The following CAMTA1 variants were observed in gnomAD, a reference collection of about 807,000 sequenced individuals.
The protein encoded by CAMTA1 is calmodulin-binding transcription activator 1.
In CAMTA1, 27 loss-of-function variants were observed where a neutral mutation model predicts 170.9. The observed-to-expected ratio is 0.16, with a 90% CI of 0.12 to 0.22. The LOEUF (loss-of-function observed/expected upper bound fraction) is 0.22, where lower values mean the gene tolerates loss of function less well. Among genes scored for constraint, CAMTA1 ranks in the 10% least tolerant of loss-of-function variants. The pLI, the probability that CAMTA1 is intolerant of heterozygous loss-of-function variation, is 1.00. For missense variants in CAMTA1, 1,619 were observed against 2,217.2 expected (o/e 0.73, Z 5.42); for synonymous variants, 833 against 891.5 (o/e 0.93, Z 1.17).
At chr1:6,948,796 C>G (rs1687979100) in intron 3 of CAMTA1, among the ~76,000 whole-genome samples, 1 of 152,284 alleles carries the variant, frequency 6.6e-6, no homozygotes, top group African/African-American at 2.4e-5. Context: ...TCCCCTCAAA[C>G]CCAGGCATTT....
chr1:7,672,487 T>C (rs775914141), intron 10 of CAMTA1, among the ~76,000 whole-genome samples: 1 of 152,138 alleles, frequency 6.6e-6, no homozygotes, highest in African/African-American at 2.4e-5. Flanking sequence ...AGTGATGCAA[T>C]CTCGGCTCAC....
intron 3 of CAMTA1, among the ~76,000 whole-genome samples, chr1:6,989,591 T>C (rs1041958105): frequency 6.6e-6 from 1 of 152,214 alleles, no homozygotes; most frequent in African/African-American, 2.4e-5. Context: ...TGCTCTGTTA[T>C]TGCTCCTAAG....
intron 7 of CAMTA1, among the ~76,000 whole-genome samples, chr1:7,646,519 T>C (rs192259818): frequency 1.8e-4 from 16 of 88,388 alleles, no homozygotes; most frequent in Non-Finnish European, 3.2e-4. Flanking sequence ...TGGTGAGTGG[T>C]TGGAGGCCAT....
intron 5 of CAMTA1, among the ~76,000 whole-genome samples, chr1:7,454,487 G>A (rs1022216261): frequency 2.0e-5 from 3 of 152,148 alleles, no homozygotes; most frequent in African/African-American, 7.2e-5. Flanking sequence ...TCAGTGTCGC[G>A]GCCACTGGCC....
At chr1:6,999,534 C>A (rs1329949070) in intron 3 of CAMTA1, among the ~76,000 whole-genome samples, 1 of 152,174 alleles carries the variant, frequency 6.6e-6, no homozygotes, top group Non-Finnish European at 1.5e-5. Context: ...CAGGTGCATG[C>A]CAGCATGCCT....
intron 19 of CAMTA1, among the ~76,000 whole-genome samples, chr1:7,750,417 G>C (rs2096888382): frequency 1.3e-5 from 2 of 152,340 alleles, no homozygotes; most frequent in South Asian, 4.1e-4. Flanking sequence ...CATCCCCAGA[G>C]TCATACTCTG....
chr1:7,427,360 G>T (rs903636244), intron 5 of CAMTA1, among the ~76,000 whole-genome samples: 1 of 152,112 alleles, frequency 6.6e-6, no homozygotes, highest in Admixed American at 6.5e-5. Flanking sequence ...TTTATAAGTA[G>T]ATTGCGAGTG....
At chr1:7,731,087 TTGTG>T (rs943170229) in intron 11 of CAMTA1, among the ~76,000 whole-genome samples, 5 of 152,050 alleles carry the variant, frequency 3.3e-5, no homozygotes, top group Non-Finnish European at 5.9e-5. Flanking sequence ...ATGTGTATGT[TTGTG>T]TGTGCATGCA....
chr1:6,872,249 C>T (rs1437996243), intron 3 of CAMTA1, among the ~76,000 whole-genome samples: 1 of 151,994 alleles, frequency 6.6e-6, no homozygotes, highest in Non-Finnish European at 1.5e-5. Flanking sequence ...CCACCACCAC[C>T]ACCACCACCA....
intron 4 of CAMTA1, among the ~76,000 whole-genome samples, chr1:7,226,615 T>G (rs1187006753): frequency 1.3e-5 from 2 of 152,112 alleles, no homozygotes; most frequent in East Asian, 3.9e-4. Context: ...GCTTCCGGAC[T>G]TTTCCTTATG....
chr1:6,909,854 A>G lies in CAMTA1; in HGVS notation c.234+84644A>G, dbSNP rs564159547. ...TTTTCAGGCTCAGCTCTAAGCAAGG[A>G]TAGTGGTGACTTTTGGCTTTGGCCC... On this transcript the variant is annotated intron_variant, in intron 3 of 22. Coordinates refer to ENST00000303635, the MANE Select transcript of CAMTA1 (RefSeq NM_015215.4). Among the ~76,000 whole-genome samples the G allele has an allele frequency of 5.9e-5, 9 of 152,332 alleles. No homozygotes were observed. In the East Asian group the frequency reaches 1.5e-3, roughly 26 times the overall value.
intron 5 of CAMTA1, among the ~76,000 whole-genome samples, chr1:7,392,258 CTTTTT>C (rs3034862): frequency 7.4e-6 from 1 of 135,914 alleles, no homozygotes; most frequent in Non-Finnish European, 1.6e-5. Context: ...AGACCCCCAT[CTTTTT>C]TTTTTTTTTT....
At position 7,201,190 on chromosome 1, in the gene CAMTA1, A is replaced by G. The variant is rs1656623480; in HGVS notation, c.303-48301A>G. ...TAACTGTCTTCTTTCATTTAGCATC[A>G]TGTTTTTAAGGTTCATCCACATTGT... On this transcript the variant is annotated intron_variant, in intron 4 of 22. Coordinates refer to ENST00000303635, the MANE Select transcript of CAMTA1 (RefSeq NM_015215.4). 5.3e-5 allele frequency among the ~76,000 whole-genome samples: 8 copies of G among 152,256 alleles called. No homozygotes were observed. The South Asian group carries it at 1.5e-3, about 28-fold the overall frequency.
intron 6 of CAMTA1, 119 bp downstream of exon 6, chr1:7,468,020 C>A (rs995014194): frequency 3.1e-5 from 25 of 814,534 alleles, no homozygotes; most frequent in Non-Finnish European, 4.9e-5. Context: ...CCCTGGTGAG[C>A]TTGCCTAGGG....
intron 1 of CAMTA1, among the ~76,000 whole-genome samples, chr1:6,795,218 G>A (rs1642198805): frequency 6.6e-6 from 1 of 152,000 alleles, no homozygotes; most frequent in Non-Finnish European, 1.5e-5. Flanking sequence ...ACAGGGTCTC[G>A]CTCTGTTGCC....
At position 7,729,748 on chromosome 1, in the gene CAMTA1, T is replaced by C. The variant is rs564525410; in HGVS notation, c.2915-2700T>C. On this transcript the variant is annotated intron_variant, in intron 11 of 22. Transcript: ENST00000303635. ...TAATAACAACACCTACCTCACGTGATGGTTGTGAAGAGTAAATGAGTTAAT... is the reference window on the plus strand; with the variant it reads ...TAATAACAACACCTACCTCACGTGACGGTTGTGAAGAGTAAATGAGTTAAT... 5.9e-5 allele frequency among the ~76,000 whole-genome samples: 9 copies of C among 152,332 alleles called. No homozygotes were observed. The East Asian group carries it at 1.5e-3, about 26-fold the overall frequency.
At chr1:6,846,235 TCTTTA>T (rs934244394) in intron 3 of CAMTA1, among the ~76,000 whole-genome samples, 3 of 152,256 alleles carry the variant, frequency 2.0e-5, no homozygotes, top group African/African-American at 4.8e-5. Flanking sequence ...AACTAGGATT[TCTTTA>T]CTTATACTTA....
chr1:7,663,613 C>A lies in CAMTA1; in HGVS notation c.1066C>A (p.Gln356Lys). The part of the protein sequence containing the change: ...TNQVEVPDTT[Q>K]SSPVSISSGL... ...CCAGGTGGAAGTCCCCGACACCACC[C>A]AGAGCTCCCCTGTGTCCATCAGCAG... The change falls in exon 9 of 23, where the codon CAG (glutamine) becomes AAG (lysine). Residue 356 changes from glutamine to lysine, a missense_variant. Transcript: ENST00000303635. 1.2e-6 allele frequency: 2 copies of A among 1,614,188 alleles called. No individual in the cohort carries two copies. The highest frequency in any genetic ancestry group is 1.7e-6 in the Non-Finnish European group (2 of 1,180,046).
At chr1:6,820,385 T>C in intron 2 of CAMTA1, 135 bp downstream of exon 2, 1 of 744,090 alleles carries the variant, frequency 1.3e-6, no homozygotes, top group South Asian at 1.7e-5. Context: ...TGCTGTGTGA[T>C]CTTAGATGAG....
Sources: allele counts gnomAD v4.1 joint callset (sites outside exome capture counted in the v4.1 genomes callset), GRCh38; gene constraint gnomAD v4.1.1; transcripts MANE v1.5; gene names NCBI Gene and HGNC (gene_info 2026-07-23, HGNC 2026-07-21).